Variants in SLIT2 observed in about 807,000 individuals in gnomAD.
SLIT2 encodes slit guidance ligand 2, also known as slit homolog 2 protein.
A neutral mutation model predicts 185.7 loss-of-function variants in SLIT2; 41 were observed. The ratio of observed to expected loss-of-function variants is 0.22; its 90% CI spans 0.17 to 0.29. The LOEUF is 0.29. Among genes scored for constraint, SLIT2 ranks in the 10% least tolerant of loss-of-function variants. The pLI, the probability that SLIT2 is intolerant of heterozygous loss-of-function variation, is 1.00. For missense variants in SLIT2, 1,571 were observed against 1,909.0 expected (o/e 0.82, Z 3.30); for synonymous variants, 693 against 680.2 (o/e 1.02, Z -0.29).
chr4:20,286,598 C>T (rs139568435), intron 4 of SLIT2, among the ~76,000 whole-genome samples: 103 of 152,184 alleles, frequency 6.8e-4, no homozygotes, highest in African/African-American at 2.3e-3. Flanking sequence ...GTCAGGAGTT[C>T]GAGACCAGCC....
intron 4 of SLIT2, among the ~76,000 whole-genome samples, chr4:20,443,102 G>A (rs1729899322): frequency 6.6e-6 from 1 of 152,146 alleles, no homozygotes; most frequent in African/African-American, 2.4e-5. Flanking sequence ...CAATATATCA[G>A]GGAATGCAGT....
At chr4:20,424,398 A>G (rs559015570) in intron 4 of SLIT2, among the ~76,000 whole-genome samples, 1 of 152,230 alleles carries the variant, frequency 6.6e-6, no homozygotes, top group Admixed American at 6.5e-5. Flanking sequence ...AGAAGTTCAA[A>G]TGATTCAAAA....
intron 5 of SLIT2, among the ~76,000 whole-genome samples, chr4:20,469,883 G>A (rs1414838151): frequency 1.3e-5 from 2 of 151,480 alleles, no homozygotes; most frequent in Non-Finnish European, 2.9e-5. Context: ...AGCCTCCTGA[G>A]GACCTGGGAT....
rs1472182419 is a variant in SLIT2, at chr4:20,503,752, A to G, written c.915-6743A>G. The stretch of plus-strand genomic sequence containing the variant: ...AATGAGGCGTTTCTCTCCTATAAAA[A>G]CACCAATTGAATTTACACTCGGGAA... On this transcript the variant is annotated intron_variant, in intron 9 of 36. Coordinates refer to ENST00000504154, the MANE Select transcript of SLIT2 (RefSeq NM_004787.4). Among the ~76,000 whole-genome samples, 4 of 152,204 alleles carry G rather than the reference A, an allele frequency of 2.6e-5. No individual in the cohort carries two copies. In the South Asian group the frequency reaches 8.3e-4, roughly 31 times the overall value.
chr4:20,459,882 A>C, intron 4 of SLIT2, among the ~76,000 whole-genome samples: 1 of 75,776 alleles, frequency 1.3e-5, no homozygotes, highest in East Asian at 2.7e-4. Flanking sequence ...TTTTTTTTTG[A>C]GATGGGAATC....
chr4:20,376,608 C>G (rs938833334), intron 4 of SLIT2, among the ~76,000 whole-genome samples: 1 of 151,946 alleles, frequency 6.6e-6, no homozygotes, highest in Admixed American at 6.6e-5. Flanking sequence ...CCCTTTTAGC[C>G]CCTGCAAGAG....
rs1349454787 is a variant in SLIT2 at position 20,252,091 on chromosome 4, G to A, written c.-1725G>A. ...CAGGCCGAAGCTGCCGCGCTTTCTG[G>A]GCACGGCGGGAGTGCTGAGCAGAAA... On this transcript the variant is annotated 5_prime_UTR_variant, in exon 1 of 37. It introduces an in-frame stop codon into an upstream open reading frame of the 5' UTR. Coordinates refer to ENST00000504154, the MANE Select transcript of SLIT2 (RefSeq NM_004787.4). 2.0e-5 allele frequency among the ~76,000 whole-genome samples: 3 copies of A among 152,124 alleles called. No individual in the cohort carries two copies. The highest frequency in any genetic ancestry group is 4.4e-5 in the Non-Finnish European group (3 of 68,008).
At chr4:20,458,166 G>C (rs1257214102) in intron 4 of SLIT2, among the ~76,000 whole-genome samples, 1 of 151,172 alleles carries the variant, frequency 6.6e-6, no homozygotes, top group Non-Finnish European at 1.5e-5. Flanking sequence ...CAGTGTGAAC[G>C]TACTTAACAC....
At chr4:20,435,650 A>G (rs956035463) in intron 4 of SLIT2, among the ~76,000 whole-genome samples, 1 of 152,224 alleles carries the variant, frequency 6.6e-6, no homozygotes, top group Non-Finnish European at 1.5e-5. Flanking sequence ...AGGAAATTTC[A>G]TATGAAAAGA....
In SLIT2 at chr4:20,619,069, T is replaced by C; in HGVS notation, c.*60T>C. ...TGTATACTTCTTGACCGTGTGGGAC[T>C]AATGAATGCTTCATAGTGGAAATAT... On this transcript the variant is annotated 3_prime_UTR_variant, in exon 37 of 37. Transcript: ENST00000504154. 1 of 1,493,602 alleles carries C rather than the reference T, an allele frequency of 6.7e-7. No individual in the cohort carries two copies. Among genetic ancestry groups the C allele is most frequent in the African/African-American group, 1.4e-5 (1 of 72,412 alleles). The allele number at this position is 1,493,602 out of a possible 1,614,324, so 92.5% of individuals were successfully genotyped here.
chr4:20,569,139 T>A, intron 29 of SLIT2, 135 bp downstream of exon 29: 1 of 757,062 alleles, frequency 1.3e-6, no homozygotes, highest in Non-Finnish European at 2.2e-6. Context: ...AGATGTAATG[T>A]AAATAACATA....
chr4:20,599,681 T>C (rs561878164), intron 33 of SLIT2, among the ~76,000 whole-genome samples: 1 of 152,154 alleles, frequency 6.6e-6, no homozygotes, highest in South Asian at 2.1e-4. Flanking sequence ...AAGGCAGAAA[T>C]CTGGGGTTTT....
rs183717109 is a variant in SLIT2 at position 20,584,034 on chromosome 4, G to A, written c.3089-5610G>A. ...TATTTTTACCGCTGAATGAAGTAAT[G>A]TTATTTTGTACAGCTAAGTGTGATA... On this transcript the variant is annotated intron_variant, in intron 29 of 36. Transcript: ENST00000504154. 9.0e-4 allele frequency among the ~76,000 whole-genome samples: 137 copies of A among 152,082 alleles called. 1 individual carries two copies. Among genetic ancestry groups the A allele is most frequent in the African/African-American group, 3.1e-3 (129 of 41,486 alleles).
intron 4 of SLIT2, among the ~76,000 whole-genome samples, chr4:20,347,132 G>A (rs1284138919): frequency 6.6e-6 from 1 of 152,198 alleles, no homozygotes; most frequent in Non-Finnish European, 1.5e-5. Flanking sequence ...TTAGTAGCCA[G>A]ATGGAAGATG....
At chr4:20,366,439 G>A (rs1339923764) in intron 4 of SLIT2, among the ~76,000 whole-genome samples, 2 of 152,124 alleles carry the variant, frequency 1.3e-5, no homozygotes, top group African/African-American at 2.4e-5. Context: ...ATCCTACCAT[G>A]GAGGAGAATA....
In SLIT2 at chr4:20,307,219, C is replaced by A. The variant is rs368523918; in HGVS notation, c.395+38338C>A. Among the ~76,000 whole-genome samples the A allele has an allele frequency of 4.7e-4, 46 of 98,568 alleles. No homozygotes were observed. In the South Asian group the frequency reaches 6.6e-3, roughly 14 times the overall value. The allele number at this position is 98,568 out of a possible 152,430, so 64.7% of individuals were successfully genotyped here. A position where few individuals can be genotyped will look rare whatever the true frequency, so the allele number is the denominator to read the frequency against. ...CTTTCCCTGACTCCCTCTCTCCACC[C>A]CCTCTATTTCTTTTCCTTCCTTCCT... On this transcript the variant is annotated intron_variant, in intron 4 of 36. Coordinates refer to ENST00000504154, the MANE Select transcript of SLIT2 (RefSeq NM_004787.4).
At chr4:20,530,640 A>T (rs993659326) in intron 16 of SLIT2, among the ~76,000 whole-genome samples, 1 of 152,198 alleles carries the variant, frequency 6.6e-6, no homozygotes, top group South Asian at 2.1e-4. Flanking sequence ...CTAGCCTCCA[A>T]TTTAGACTTC....
intron 4 of SLIT2, among the ~76,000 whole-genome samples, chr4:20,333,224 A>C (rs1720216878): frequency 6.6e-6 from 1 of 152,176 alleles, no homozygotes; most frequent in South Asian, 2.1e-4. Flanking sequence ...CAATGGACTA[A>C]TAATTGACTG....
Position 20,252,585 on chromosome 4 carries a change from G to C in SLIT2, c.-1231G>C, listed in dbSNP as rs961341144. On this transcript the variant is annotated 5_prime_UTR_variant, in exon 1 of 37. Coordinates refer to ENST00000504154, the MANE Select transcript of SLIT2 (RefSeq NM_004787.4). ...CGAACCACTAGTGGGAGACCGCCGG[G>C]GGCCGGCCGTGGCTCTGCGCCCTCC... is the stretch of plus-strand genomic sequence containing the variant. Among the ~76,000 whole-genome samples, 1 of 152,236 alleles carries C rather than the reference G, an allele frequency of 6.6e-6. No homozygotes were observed. Among genetic ancestry groups the C allele is most frequent in the Non-Finnish European group, 1.5e-5 (1 of 68,046 alleles).
Sources: gnomAD v4.1 joint callset for allele counts (sites outside exome capture counted in the v4.1 genomes callset) on GRCh38, gnomAD v4.1.1 for gene constraint, MANE v1.5 for transcripts, NCBI Gene and HGNC (gene_info 2026-07-23, HGNC 2026-07-21) for gene names.